The following ARHGAP8 variants were observed in gnomAD, a reference collection of about 807,000 sequenced individuals.
ARHGAP8 encodes the protein rho GTPase-activating protein 8.
Under a neutral mutation model 46.1 loss-of-function variants are expected in ARHGAP8, and 62 were observed. The ratio of observed to expected loss-of-function variants is 1.34; its 90% CI spans 1.10 to 1.66. The LOEUF is 1.66. ARHGAP8 is among the 40% of genes most tolerant of loss of function. The probability of loss-of-function intolerance (pLI) is 0.00; values close to 1 mark genes in which losing one functional copy is unlikely to be tolerated. For missense variants in ARHGAP8, 923 were observed against 568.4 expected, an observed-to-expected ratio of 1.62 and a Z score of -6.34; for synonymous variants, 375 against 243.1, an observed-to-expected ratio of 1.54 and a Z score of -5.05.
chr22:44,842,601 C>T (rs1170342173), intron 7 of ARHGAP8, among the ~76,000 whole-genome samples: 3 of 152,174 alleles, frequency 2.0e-5, no homozygotes, highest in Non-Finnish European at 4.4e-5. Context: ...GAAAGTCCCT[C>T]ATCCTAACAC....
At chr22:44,810,789 G>C (rs548342904) in intron 4 of ARHGAP8, among the ~76,000 whole-genome samples, 1 of 152,268 alleles carries the variant, frequency 6.6e-6, no homozygotes, top group Admixed American at 6.5e-5. Flanking sequence ...TGGTCTGTAG[G>C]GTTCCCGTGG....
In ARHGAP8 at chr22:44,862,626, C is replaced by T. The variant is rs747258726; in HGVS notation, c.*31C>T. On this transcript the variant is annotated 3_prime_UTR_variant, in exon 12 of 12. Transcript: ENST00000356099. Reference sequence around the variant, plus strand: ...CGAACACTCTGTATATTTCGAGCTACCTCCCACACCTGTCTGTGCACTTGT... The same window carrying T: ...CGAACACTCTGTATATTTCGAGCTATCTCCCACACCTGTCTGTGCACTTGT... 1.3e-6 allele frequency: 2 copies of T among 1,524,442 alleles called. No homozygotes were observed. The highest frequency in any genetic ancestry group is 1.8e-6 in the Non-Finnish European group (2 of 1,133,284). 94.4% of individuals were successfully genotyped at this position (1,524,442 alleles called of 1,614,324 possible).
intron 10 of ARHGAP8, among the ~76,000 whole-genome samples, chr22:44,858,754 G>GA (rs2070323402): frequency 6.9e-6 from 1 of 144,904 alleles, no homozygotes; most frequent in African/African-American, 2.6e-5. Flanking sequence ...CAGAGTGGGG[G>GA]CCAGTTGCAT....
chr22:44,792,829 GTT>G (rs911417203), intron 2 of ARHGAP8, among the ~76,000 whole-genome samples: 95 of 45,556 alleles, frequency 2.1e-3, no homozygotes, highest in South Asian at 5.6e-3. Flanking sequence ...TGTTTTTTTG[GTT>G]TTTTTTTTTT....
chr22:44,859,649 A>C (rs1569186266), intron 10 of ARHGAP8, 82 bp from the exon 11 acceptor site: 2 of 1,471,760 alleles, frequency 1.4e-6, no homozygotes, highest in African/African-American at 1.4e-5. Flanking sequence ...TCCTTCCTAC[A>C]CCCCTGTTCT....
chr22:44,859,805 C>G lies in ARHGAP8; in HGVS notation c.952C>G (p.Leu318Val), dbSNP rs772476750. The G allele has an allele frequency of 8.1e-6, 13 of 1,613,952 alleles. No homozygotes were observed. The highest frequency in any genetic ancestry group is 8.0e-5 in the African/African-American group (6 of 74,948). ...CCTCCCAGAGCACAACTACGTCGTC[C>G]TCCGCTACCTCATGGGCTTCCTGCA... ...RSLPEHNYVVLRYLMGFLHAV... is the reference protein window; with the variant it reads ...RSLPEHNYVVVRYLMGFLHAV... The change falls in exon 11 of 12, where the codon CTC becomes GTC. Residue 318 changes from leucine to valine, a missense_variant. Transcript: ENST00000356099.
chr22:44,841,789 T>C (rs1931668928), intron 7 of ARHGAP8, among the ~76,000 whole-genome samples: 3 of 152,188 alleles, frequency 2.0e-5, no homozygotes. Context: ...GCTGTCTCCT[T>C]GGACGTGGTA....
intron 10 of ARHGAP8, chr22:44,849,779 A>T (rs577855296): frequency 1.3e-5 from 2 of 152,380 alleles, no homozygotes; most frequent in Admixed American, 6.5e-5. Context: ...CGGTTAAGAT[A>T]TCGTAAAGAC....
rs963647380 is a variant in ARHGAP8 at position 44,836,559 on chromosome 22, ACACAGTAGGTCCTCAGTG to A, written c.597-8703_597-8686del. On this transcript the variant is annotated intron_variant, in intron 7 of 11. Coordinates refer to ENST00000356099, the MANE Select transcript of ARHGAP8 (RefSeq NM_181335.3). ...ACGTGGTGCACAGTAGGTCCTCAGT[ACACAGTAGGTCCTCAGTG>A]CACAGTGGTCACTGTGATCGTTCAC... Among the ~76,000 whole-genome samples the A allele has an allele frequency of 2.8e-5, 3 of 106,866 alleles. No homozygotes were observed. In the Admixed American group the frequency reaches 3.3e-4, roughly 12 times the overall value. 70.1% of individuals were successfully genotyped at this position (106,866 alleles called of 152,430 possible).
At chr22:44,763,376 A>C (rs1021978094) in intron 1 of ARHGAP8, among the ~76,000 whole-genome samples, 3 of 151,702 alleles carry the variant, frequency 2.0e-5, no homozygotes, top group Non-Finnish European at 4.4e-5. Context: ...GCGTGCCTGT[A>C]ATCACAGCTA....
intron 1 of ARHGAP8, among the ~76,000 whole-genome samples, chr22:44,761,285 A>G (rs951756881): frequency 1.3e-5 from 2 of 152,210 alleles, no homozygotes; most frequent in African/African-American, 2.4e-5. Flanking sequence ...TGGACTCTGT[A>G]TCCATGGGCT....
intron 7 of ARHGAP8, among the ~76,000 whole-genome samples, chr22:44,836,880 TTTTG>T (rs1042664946): frequency 4.7e-4 from 72 of 152,038 alleles, no homozygotes; most frequent in African/African-American, 1.5e-3. Context: ...TCTTGTTTTG[TTTTG>T]TTTGTTTGTT....
rs2070563101 is a variant in ARHGAP8 at position 44,862,729 on chromosome 22, C to G, written c.*134C>G. The G allele has an allele frequency of 2.7e-6, 3 of 1,120,858 alleles. No individual in the cohort carries two copies. Among genetic ancestry groups the G allele is most frequent in the Middle Eastern group, 2.2e-4 (1 of 4,478 alleles). 69.4% of individuals were successfully genotyped at this position (1,120,858 alleles called of 1,614,324 possible). A position where few individuals can be genotyped will look rare whatever the true frequency, so the allele number is the denominator to read the frequency against. Reference sequence around the variant, plus strand: ...GAACCTTCTAATGAAAACTCCATGCCTCTGGTCCTTGGACTCTTGTCCATG... The same window carrying G: ...GAACCTTCTAATGAAAACTCCATGCGTCTGGTCCTTGGACTCTTGTCCATG... On this transcript the variant is annotated 3_prime_UTR_variant, in exon 12 of 12. Coordinates refer to ENST00000356099, the MANE Select transcript of ARHGAP8 (RefSeq NM_181335.3).
chr22:44,834,210 T>A (rs1931139586), intron 7 of ARHGAP8, among the ~76,000 whole-genome samples: 1 of 152,142 alleles, frequency 6.6e-6, no homozygotes, highest in Non-Finnish European at 1.5e-5. Context: ...ATTTTCTTTT[T>A]CCAGTTTTTT....
chr22:44,809,009 C>T (rs948319739), intron 4 of ARHGAP8: 10 of 437,254 alleles, frequency 2.3e-5, no homozygotes, highest in African/African-American at 1.2e-4. Context: ...TTTGTAGAGA[C>T]GGGGATCTCA....
chr22:44,858,872 C>A (rs2070328244), intron 10 of ARHGAP8, among the ~76,000 whole-genome samples: 1 of 151,492 alleles, frequency 6.6e-6, no homozygotes, highest in Non-Finnish European at 1.5e-5. Context: ...GGGTTGCAAA[C>A]TTTTTCTGTA....
At chr22:44,768,320 G>A (rs1433674514) in intron 1 of ARHGAP8, among the ~76,000 whole-genome samples, 1 of 151,320 alleles carries the variant, frequency 6.6e-6, no homozygotes, top group Non-Finnish European at 1.5e-5. Flanking sequence ...TTGTTTTTGA[G>A]ACAGCGTCTC....
At position 44,860,422 on chromosome 22, in the gene ARHGAP8, C is replaced by A. The variant is rs144444885; in HGVS notation, c.981+588C>A. Among the ~76,000 whole-genome samples, 165 of 152,230 alleles carry A rather than the reference C, an allele frequency of 1.1e-3. 1 individual carries two copies. Among genetic ancestry groups the A allele is most frequent in the Non-Finnish European group, 1.9e-3 (131 of 68,018 alleles). ...ACTCCAGCTATGCCTCCAGCTCCCCCCTGGCCTTTGTCTGTGTGTGTGTCT... is the reference window on the plus strand; with the variant it reads ...ACTCCAGCTATGCCTCCAGCTCCCCACTGGCCTTTGTCTGTGTGTGTGTCT... On this transcript the variant is annotated intron_variant, in intron 11 of 11. Coordinates refer to ENST00000356099, the MANE Select transcript of ARHGAP8 (RefSeq NM_181335.3).
intron 7 of ARHGAP8, among the ~76,000 whole-genome samples, chr22:44,844,480 T>G (rs2069906620): frequency 6.6e-6 from 1 of 152,120 alleles, no homozygotes; most frequent in Non-Finnish European, 1.5e-5. Context: ...TTATTTTTTT[T>G]GAGATGGAGT....
Sources: allele counts gnomAD v4.1 joint callset (sites outside exome capture counted in the v4.1 genomes callset), GRCh38; gene constraint gnomAD v4.1.1; transcripts MANE v1.5; gene names NCBI Gene and HGNC (gene_info 2026-07-23, HGNC 2026-07-21).